The following ACSL5 variants were observed in gnomAD, a reference collection of about 807,000 sequenced individuals.
The protein encoded by ACSL5 is acyl-CoA synthetase long chain family member 5, also known as long-chain-fatty-acid--CoA ligase 5.
Under a neutral mutation model 84.9 loss-of-function variants are expected in ACSL5, and 50 were observed. The observed-to-expected ratio is 0.59, with a 90% confidence interval of 0.47 to 0.75. ACSL5 has a LOEUF of 0.75. ACSL5 is among the 30% of genes least tolerant of loss of function. The pLI is 0.00. For synonymous variants in ACSL5, 280 were observed against 300.7 expected (o/e 0.93, Z 0.71); for missense variants, 775 against 830.4 (o/e 0.93, Z 0.82).
chr10:112,425,455 AT>A lies in ACSL5; in HGVS notation c.1716del (p.Phe572LeufsTer11). ...CAACAGGAGTCAACCAGTGTTACAA[AT>A]TTTTGTACACGGGGAGAGCTTACGG... ...IYNRSQPVLQ[I>X]FVHGESLRSS... On this transcript the variant is annotated frameshift_variant, in exon 18 of 21. Transcript: ENST00000354655. LOFTEE classifies it high-confidence loss of function. The A allele has an allele frequency of 6.2e-7, 1 of 1,613,136 alleles. No homozygotes were observed. The highest frequency in any genetic ancestry group is 1.7e-5 in the Admixed American group (1 of 59,836).
intron 6 of ACSL5, 111 bp from the exon 7 acceptor site, chr10:112,409,396 C>T: frequency 1.1e-6 from 1 of 881,388 alleles, no homozygotes; most frequent in Non-Finnish European, 1.8e-6. Context: ...GGTGTAATCT[C>T]CTTTGGACAC....
At chr10:112,404,647 T>C in intron 4 of ACSL5, 58 bp from the exon 5 acceptor site, 1 of 1,600,126 alleles carries the variant, frequency 6.2e-7, no homozygotes, top group Non-Finnish European at 8.6e-7. Context: ...ACGATATTGG[T>C]CAGTTTTTGG....
At chr10:112,390,700 AGT>A in intron 1 of ACSL5, among the ~76,000 whole-genome samples, 1 of 149,180 alleles carries the variant, frequency 6.7e-6, no homozygotes, top group East Asian at 2.0e-4. Flanking sequence ...AGATAGATAG[AGT>A]GTAGTCTATC....
chr10:112,427,425 T>G lies in ACSL5; in HGVS notation c.*67T>G, dbSNP rs565167053. On this transcript the variant is annotated 3_prime_UTR_variant, in exon 21 of 21. Transcript: ENST00000354655. ...TGTGAGAAAATGGATTAAAAACTATTCTTACATTTGTTTTGCCTTTCCTCC... is the reference window on the plus strand; with the variant it reads ...TGTGAGAAAATGGATTAAAAACTATGCTTACATTTGTTTTGCCTTTCCTCC... The G allele has an allele frequency of 6.9e-7, 1 of 1,444,074 alleles. No individual in the cohort carries two copies. Among genetic ancestry groups the G allele is most frequent in the African/African-American group, 1.4e-5 (1 of 69,112 alleles). The allele number at this position is 1,444,074 out of a possible 1,614,324, so 89.5% of individuals were successfully genotyped here. A position where few individuals can be genotyped will look rare whatever the true frequency, so the allele number is the denominator to read the frequency against.
rs764492299 is a variant in ACSL5, at chr10:112,411,444, T to G, written c.797-12T>G. On this transcript the variant is annotated splice_polypyrimidine_tract_variant and intron_variant, in intron 9 of 20. Coordinates refer to ENST00000354655, the MANE Select transcript of ACSL5 (RefSeq NM_203379.2). ...ATAAAGTATCTTTCTCTCCACCTCT[T>G]ATTTCCTACAGGTGACCCCAAAGGA... is the stretch of plus-strand genomic sequence containing the variant. 3.7e-6 allele frequency: 6 copies of G among 1,603,808 alleles called. No homozygotes were observed. The highest frequency in any genetic ancestry group is 4.3e-6 in the Non-Finnish European group (5 of 1,170,642).
chr10:112,416,778 A>G, intron 12 of ACSL5, 110 bp from the exon 13 acceptor site: 1 of 1,214,668 alleles, frequency 8.2e-7, no homozygotes, highest in South Asian at 1.4e-5. Flanking sequence ...TGACTGTGAG[A>G]CTGTGAGACC....
chr10:112,405,399 G>A (rs1206023896), intron 5 of ACSL5, among the ~76,000 whole-genome samples: 3 of 152,198 alleles, frequency 2.0e-5, no homozygotes, highest in Admixed American at 2.0e-4. Flanking sequence ...TGTGTTAACT[G>A]TCTGTGTTAT....
At chr10:112,405,638 A>C (rs1315647399) in intron 5 of ACSL5, among the ~76,000 whole-genome samples, 1 of 152,200 alleles carries the variant, frequency 6.6e-6, no homozygotes, top group African/African-American at 2.4e-5. Context: ...CTTAACACCT[A>C]ATCTGATACA....
At chr10:112,420,726 T>C (rs1293231097) in intron 14 of ACSL5, among the ~76,000 whole-genome samples, 3 of 152,080 alleles carry the variant, frequency 2.0e-5, no homozygotes, top group Non-Finnish European at 2.9e-5. Context: ...TTTTCTTTTT[T>C]TTTTCTTTTG....
intron 1 of ACSL5, among the ~76,000 whole-genome samples, chr10:112,391,619 C>T (rs1253909225): frequency 2.0e-5 from 3 of 152,162 alleles, no homozygotes; most frequent in African/African-American, 7.2e-5. Context: ...CAGTCTCGTT[C>T]TGTTTGTGGG....
chr10:112,407,480 C>T (rs996266096), intron 5 of ACSL5, among the ~76,000 whole-genome samples: 9 of 152,108 alleles, frequency 5.9e-5, no homozygotes, highest in Admixed American at 3.3e-4. Context: ...TCTCAGCCTC[C>T]CAAAGTGCTG....
chr10:112,412,677 C>A (rs1844209274), intron 11 of ACSL5: 1 of 152,936 alleles, frequency 6.5e-6, no homozygotes, highest in Admixed American at 6.5e-5. Flanking sequence ...AGATTCAGTT[C>A]TTTGGGCTAA....
chr10:112,401,171 G>A (rs962639867), intron 3 of ACSL5, among the ~76,000 whole-genome samples: 42 of 152,144 alleles, frequency 2.8e-4, no homozygotes, highest in Admixed American at 1.5e-3. Context: ...AGCCGAGATC[G>A]CGCCACTGCA....
chr10:112,379,525 G>C (rs1040194612), intron 1 of ACSL5, among the ~76,000 whole-genome samples: 1 of 152,050 alleles, frequency 6.6e-6, no homozygotes, highest in African/African-American at 2.4e-5. Context: ...TCTCGTAATA[G>C]AACATCTGAT....
intron 19 of ACSL5, 76 bp downstream of exon 19, chr10:112,426,435 C>A: frequency 1.6e-6 from 2 of 1,258,224 alleles, no homozygotes; most frequent in African/African-American, 1.5e-5. Flanking sequence ...CCAGTTCCTG[C>A]ATCTGTCACA....
At chr10:112,407,477 C>G (rs2133621702) in intron 5 of ACSL5, among the ~76,000 whole-genome samples, 1 of 152,264 alleles carries the variant, frequency 6.6e-6, no homozygotes, top group Non-Finnish European at 1.5e-5. Flanking sequence ...CCATCTCAGC[C>G]TCCCAAAGTG....
intron 1 of ACSL5, chr10:112,376,594 T>G: frequency 9.1e-7 from 1 of 1,093,888 alleles, no homozygotes. Flanking sequence ...TCATGCTGTC[T>G]CCCTCCTGGT....
At position 112,410,988 on chromosome 10, in the gene ACSL5, CA is replaced by C. The variant is rs1315816819; in HGVS notation, c.796+355del. ...AGTGATAGTTCTCCATAAAGGGCTT[CA>C]ACCCCACCCTACATCCACCCATCTG... On this transcript the variant is annotated intron_variant, in intron 9 of 20. Transcript: ENST00000354655. Among the ~76,000 whole-genome samples the C allele has an allele frequency of 2.0e-5, 3 of 152,066 alleles. No individual in the cohort carries two copies. In the East Asian group the frequency reaches 5.8e-4, roughly 29 times the overall value.
chr10:112,399,961 T>G (rs1843839619), intron 3 of ACSL5, among the ~76,000 whole-genome samples: 1 of 152,242 alleles, frequency 6.6e-6, no homozygotes, highest in Admixed American at 6.5e-5. Context: ...GACTTGGTTG[T>G]TCTATTTTAG....
Sources: gnomAD v4.1 joint callset for allele counts (sites outside exome capture counted in the v4.1 genomes callset) on GRCh38, gnomAD v4.1.1 for gene constraint, MANE v1.5 for transcripts, NCBI Gene and HGNC (gene_info 2026-07-23, HGNC 2026-07-21) for gene names.